MYO16: variants seen among roughly 807,000 people sequenced by gnomAD.
The protein encoded by MYO16 is myosin XVI.
MYO16 carries 94 observed loss-of-function variants against 205.3 expected under a neutral mutation model. The ratio of observed to expected loss-of-function variants is 0.46; its 90% CI spans 0.39 to 0.54. MYO16 has a LOEUF of 0.54. MYO16 is among the 20% of genes least tolerant of loss of function. MYO16 has a pLI of 0.00. For synonymous variants in MYO16, 988 were observed against 954.0 expected (o/e 1.04, Z -0.66); for missense variants, 2,315 against 2,387.5 (o/e 0.97, Z 0.63).
At chr13:108,856,548 T>C (rs1454096056) in intron 11 of MYO16, among the ~76,000 whole-genome samples, 1 of 152,228 alleles carries the variant, frequency 6.6e-6, no homozygotes, top group Non-Finnish European at 1.5e-5. Context: ...TGGTGAGAGC[T>C]GATTACTTTG....
At chr13:109,157,120 C>A (rs563220024) in intron 32 of MYO16, among the ~76,000 whole-genome samples, 5 of 151,942 alleles carry the variant, frequency 3.3e-5, no homozygotes, top group East Asian at 1.9e-4. Context: ...TTGAACTCAG[C>A]TTCCTCCTGC....
At chr13:108,516,271 G>A in the MYO16 span, among the ~76,000 whole-genome samples, 2 of 151,462 alleles carry the variant, frequency 1.3e-5, no homozygotes, top group Admixed American at 1.3e-4. Context: ...TCTTTGACTC[G>A]GAAAGGGAAC....
chr13:108,809,726 A>G (rs1261880882), intron 7 of MYO16, among the ~76,000 whole-genome samples: 1 of 152,114 alleles, frequency 6.6e-6, no homozygotes, highest in Admixed American at 6.5e-5. Context: ...TCAACATGAG[A>G]TTTGGTGCAG....
intron 28 of MYO16, among the ~76,000 whole-genome samples, chr13:109,119,004 CCTGA>C (rs2139757416): frequency 6.6e-6 from 1 of 152,262 alleles, no homozygotes; most frequent in East Asian, 1.9e-4. Flanking sequence ...AACTAATTAG[CCTGA>C]CTGTCATAAT....
chr13:108,807,061 C>A (rs577518053), intron 7 of MYO16, among the ~76,000 whole-genome samples: 1 of 152,076 alleles, frequency 6.6e-6, no homozygotes, highest in Non-Finnish European at 1.5e-5. Context: ...TGTCATAATA[C>A]GGATTTAAAA....
chr13:108,634,140 G>A (rs1235811847), intron 1 of MYO16, among the ~76,000 whole-genome samples: 1 of 152,074 alleles, frequency 6.6e-6, no homozygotes, highest in Non-Finnish European at 1.5e-5. Context: ...ACCCAGGCAG[G>A]CAGCACTCTC....
intron 27 of MYO16, chr13:109,065,716 C>G (rs966791650): frequency 8.7e-6 from 3 of 343,912 alleles, no homozygotes; most frequent in African/African-American, 6.6e-5. Flanking sequence ...TCCTATGGCT[C>G]TCTCTCAAGG....
chr13:109,019,953 A>G (rs1246129082), intron 23 of MYO16, 42 bp downstream of exon 23: 2 of 1,579,406 alleles, frequency 1.3e-6, no homozygotes, highest in African/African-American at 2.7e-5. Flanking sequence ...TGCACTAATG[A>G]TCAAAGGTCC....
At chr13:108,794,413 G>A (rs1028857315) in intron 6 of MYO16, among the ~76,000 whole-genome samples, 1 of 152,152 alleles carries the variant, frequency 6.6e-6, no homozygotes, top group Non-Finnish European at 1.5e-5. Context: ...TTCCTCCTAT[G>A]TATGTTTTTC....
intron 1 of MYO16, among the ~76,000 whole-genome samples, chr13:108,598,087 C>T (rs143427940): frequency 1.4e-4 from 21 of 152,216 alleles, no homozygotes; most frequent in Admixed American, 2.6e-4. Flanking sequence ...TGGAGATAGC[C>T]GCTTTAGTGA....
intron 2 of MYO16, among the ~76,000 whole-genome samples, chr13:108,709,457 C>T (rs142627298): frequency 1.5e-5 from 2 of 137,034 alleles, no homozygotes; most frequent in East Asian, 4.3e-4. Flanking sequence ...GTACCTACAG[C>T]TTCAGGGAAC....
Position 109,145,775 on chromosome 13 carries a change from G to A in MYO16, c.5164+4399G>A, listed in dbSNP as rs146611761. On this transcript the variant is annotated intron_variant, in intron 32 of 34. Coordinates refer to ENST00000457511, the MANE Select transcript of MYO16 (RefSeq NM_001198950.3). Reference sequence around the variant, plus strand: ...CCATTGCTCTGAATGGCATCTCAGCGTCTGGTTGAGTTTATCCAGAATAAA... The same window carrying A: ...CCATTGCTCTGAATGGCATCTCAGCATCTGGTTGAGTTTATCCAGAATAAA... 2.2e-3 allele frequency among the ~76,000 whole-genome samples: 332 copies of A among 152,284 alleles called. 4 individuals carry two copies. Among genetic ancestry groups the A allele is most frequent in the African/African-American group, 7.3e-3 (305 of 41,540 alleles).
chr13:109,057,579 C>G (rs1171552044), intron 27 of MYO16, among the ~76,000 whole-genome samples: 1 of 152,014 alleles, frequency 6.6e-6, no homozygotes, highest in African/African-American at 2.4e-5. Context: ...CCTGACTCGT[C>G]TCTTTCTGGT....
intron 15 of MYO16, among the ~76,000 whole-genome samples, chr13:108,907,646 T>C (rs1169584273): frequency 1.3e-5 from 2 of 152,232 alleles, no homozygotes; most frequent in African/African-American, 4.8e-5. Flanking sequence ...ACTCAAGATG[T>C]ATACATATTT....
At chr13:109,190,216 G>A (rs549621640) in intron 34 of MYO16, among the ~76,000 whole-genome samples, 1 of 152,040 alleles carries the variant, frequency 6.6e-6, no homozygotes, top group Admixed American at 6.5e-5. Flanking sequence ...GTTTAGGTTT[G>A]TTTTTTACAT....
chr13:108,539,101 G>A, the MYO16 span, among the ~76,000 whole-genome samples: 39 of 152,160 alleles, frequency 2.6e-4, no homozygotes, highest in East Asian at 6.6e-3. Flanking sequence ...GACTGCCTGA[G>A]TTGTTATTTA....
intron 4 of MYO16, among the ~76,000 whole-genome samples, chr13:108,769,415 G>A (rs1227816058): frequency 2.0e-5 from 3 of 152,118 alleles, no homozygotes; most frequent in African/African-American, 7.2e-5. Context: ...AGAGAGGGTT[G>A]GGAGCAGAAG....
At chr13:108,561,837 G>A in the MYO16 span, among the ~76,000 whole-genome samples, 7 of 152,156 alleles carry the variant, frequency 4.6e-5, no homozygotes, top group Non-Finnish European at 8.8e-5. Flanking sequence ...TTGCTACAAA[G>A]TCTTTCTAGA....
At chr13:108,770,824 G>A (rs1319786839) in intron 4 of MYO16, among the ~76,000 whole-genome samples, 10 of 152,154 alleles carry the variant, frequency 6.6e-5, no homozygotes, top group African/African-American at 2.4e-4. Flanking sequence ...ACATTCGAAT[G>A]TGGTGAGATC....
Sources: gnomAD v4.1 joint callset for allele counts (sites outside exome capture counted in the v4.1 genomes callset) on GRCh38, gnomAD v4.1.1 for gene constraint, MANE v1.5 for transcripts, NCBI Gene and HGNC (gene_info 2026-07-23, HGNC 2026-07-21) for gene names.